USP34: variants seen among roughly 807,000 people sequenced by gnomAD.
USP34 encodes ubiquitin carboxyl-terminal hydrolase 34.
USP34 carries 70 observed loss-of-function variants against 460.3 expected under a neutral mutation model. The ratio of observed to expected loss-of-function variants is 0.15; its 90% CI spans 0.13 to 0.19. USP34 has a LOEUF of 0.19. USP34 is among the 10% of genes least tolerant of loss of function. The pLI is 1.00. For synonymous variants in USP34, 1,647 were observed against 1,405.3 expected, an observed-to-expected ratio of 1.17 and a Z score of -3.85; for missense variants, 3,985 against 4,236.2, an observed-to-expected ratio of 0.94 and a Z score of 1.65.
chr2:61,430,236 GAA>G (rs70963428), intron 1 of USP34, among the ~76,000 whole-genome samples: 11 of 138,112 alleles, frequency 8.0e-5, no homozygotes, highest in African/African-American at 1.1e-4. Flanking sequence ...AAAAAGAAAA[GAA>G]AAAAAAAATA....
chr2:61,470,744 C>T lies in USP34; in HGVS notation c.-52G>A. Reference sequence around the variant, plus strand: ...CCGCTTCGGATCACACTGACTGATCCCGACCGGCGGGGGGGAGGGGAGAGA... The same window carrying T: ...CCGCTTCGGATCACACTGACTGATCTCGACCGGCGGGGGGGAGGGGAGAGA... On this transcript the variant is annotated 5_prime_UTR_variant, in exon 1 of 80. Coordinates refer to ENST00000398571, the MANE Select transcript of USP34 (RefSeq NM_014709.4). 6.5e-7 allele frequency: 1 copy of T among 1,530,280 alleles called. No individual in the cohort carries two copies. Among genetic ancestry groups the T allele is most frequent in the Non-Finnish European group, 8.9e-7 (1 of 1,123,574 alleles). The allele number at this position is 1,530,280 out of a possible 1,614,324, so 94.8% of individuals were successfully genotyped here. A position where few individuals can be genotyped will look rare whatever the true frequency, so the allele number is the denominator to read the frequency against.
chr2:61,431,294 C>A (rs1421726701), intron 1 of USP34, among the ~76,000 whole-genome samples: 1 of 151,608 alleles, frequency 6.6e-6, no homozygotes, highest in Non-Finnish European at 1.5e-5. Context: ...ACAATCACAG[C>A]TTACTGCAGC....
intron 1 of USP34, among the ~76,000 whole-genome samples, chr2:61,429,485 G>C (rs1353778780): frequency 6.6e-6 from 1 of 152,074 alleles, no homozygotes; most frequent in Non-Finnish European, 1.5e-5. Flanking sequence ...AAATTAGCTG[G>C]GTGTGGTAGC....
At chr2:61,255,696 G>A (rs1688706100) in intron 48 of USP34, among the ~76,000 whole-genome samples, 1 of 152,200 alleles carries the variant, frequency 6.6e-6, no homozygotes, top group Non-Finnish European at 1.5e-5. Context: ...ATTCATAAGT[G>A]GTGTGGTGTT....
intron 41 of USP34, among the ~76,000 whole-genome samples, chr2:61,273,647 G>T (rs1029351854): frequency 6.6e-6 from 1 of 151,956 alleles, no homozygotes; most frequent in Non-Finnish European, 1.5e-5. Flanking sequence ...GAACCTGGAG[G>T]GCAGAGGTTA....
intron 59 of USP34, 72 bp downstream of exon 59, chr2:61,229,476 C>CAAAAAAAA: frequency 5.0e-6 from 2 of 401,846 alleles, no homozygotes; most frequent in Non-Finnish European, 7.4e-6. Context: ...AAAAAAAAAA[C>CAAAAAAAA]AAAAAAAAAA....
chr2:61,419,280 A>C (rs1048237731), intron 2 of USP34, among the ~76,000 whole-genome samples: 1 of 151,828 alleles, frequency 6.6e-6, no homozygotes, highest in Non-Finnish European at 1.5e-5. Flanking sequence ...TCAGCCTCTC[A>C]AAAGTGAGAG....
intron 41 of USP34, among the ~76,000 whole-genome samples, chr2:61,275,796 AC>A (rs1689356097): frequency 6.6e-6 from 1 of 152,160 alleles, no homozygotes; most frequent in Non-Finnish European, 1.5e-5. Flanking sequence ...AACTCGTTTA[AC>A]CTGTCTATGC....
intron 1 of USP34, among the ~76,000 whole-genome samples, chr2:61,441,368 C>T (rs1209701611): frequency 6.6e-6 from 1 of 152,018 alleles, no homozygotes; most frequent in Non-Finnish European, 1.5e-5. Context: ...GCCCCACCTC[C>T]CAGCCCCTGT....
chr2:61,223,222 T>C (rs770631769), intron 63 of USP34, 26 bp downstream of exon 63: 6 of 1,613,750 alleles, frequency 3.7e-6, no homozygotes, highest in African/African-American at 1.3e-5. Context: ...GATGATCAAA[T>C]TGTCTAATAT....
intron 50 of USP34, 107 bp from the exon 51 acceptor site, chr2:61,245,395 T>A (rs1688392753): frequency 1.8e-6 from 1 of 562,438 alleles, no homozygotes; most frequent in South Asian, 4.9e-5. Flanking sequence ...AATTATTTCA[T>A]GAGGTAAATT....
At chr2:61,265,342 C>A in intron 43 of USP34, 55 bp downstream of exon 43, 2 of 1,543,398 alleles carry the variant, frequency 1.3e-6, no homozygotes, top group Middle Eastern at 1.8e-4. Context: ...AATTTATCAA[C>A]AAAATATTAA....
chr2:61,365,944 C>CTGTTTATTTATT, intron 10 of USP34, among the ~76,000 whole-genome samples: 1 of 150,302 alleles, frequency 6.7e-6, no homozygotes, highest in East Asian at 2.0e-4. Context: ...CTGGGAACAC[C>CTGTTTATTTATT]TATTTATTTA....
chr2:61,339,385 T>C lies in USP34; in HGVS notation c.2710A>G (p.Ile904Val). ...FTDRQIRMRFIEGCLENLGNN... is the reference protein window; with the variant it reads ...FTDRQIRMRFVEGCLENLGNN... ...CCCAAGTTTTCAAGGCAACCTTCAA[T>C]GAATCTCATTCGAATTTGTCTATCT... The change falls in exon 18 of 80, where the codon ATT becomes GTT. Residue 904 changes from isoleucine to valine, a missense_variant. This residue lies in a region of USP34 where 46 missense variants were observed against 83.1 expected (regional missense o/e 0.55). Transcript: ENST00000398571. 3 of 1,609,440 alleles carry C rather than the reference T, an allele frequency of 1.9e-6. No individual in the cohort carries two copies. The highest frequency in any genetic ancestry group is 1.7e-6 in the Non-Finnish European group (2 of 1,178,338).
intron 33 of USP34, among the ~76,000 whole-genome samples, chr2:61,289,884 C>A (rs540703310): frequency 1.3e-5 from 2 of 152,062 alleles, no homozygotes; most frequent in Non-Finnish European, 2.9e-5. Flanking sequence ...TATTTGTAGA[C>A]TGGATACAAA....
At chr2:61,192,833 TC>T in intron 76 of USP34, 67 bp downstream of exon 76, 1 of 1,355,750 alleles carries the variant, frequency 7.4e-7, no homozygotes, top group Non-Finnish European at 1.0e-6. Flanking sequence ...AACCCACTGT[TC>T]CTAAAATTAT....
rs1428154365 is a variant in USP34 at position 61,265,122 on chromosome 2, C to A, written c.5778+275G>T. On this transcript the variant is annotated intron_variant, in intron 43 of 79. Transcript: ENST00000398571. ...TTCTCATATGTTCTCCCAGTGAATG[C>A]GTTTTTACTGACAACATGATATTCA... 1.2e-5 allele frequency: 3 copies of A among 258,844 alleles called. No homozygotes were observed. The East Asian group carries it at 2.3e-4, about 20-fold the overall frequency. The allele number at this position is 258,844 out of a possible 1,614,324, so 16.0% of individuals were successfully genotyped here.
chr2:61,278,636 T>C (rs1689443995), intron 39 of USP34, among the ~76,000 whole-genome samples, 193 bp from the exon 40 acceptor site: 1 of 152,248 alleles, frequency 6.6e-6, no homozygotes, highest in Admixed American at 6.5e-5. Flanking sequence ...ACATCACTGA[T>C]CATTCTACAA....
chr2:61,352,091 G>T (rs1036974982), intron 10 of USP34, among the ~76,000 whole-genome samples: 2 of 152,090 alleles, frequency 1.3e-5, no homozygotes, highest in Admixed American at 1.3e-4. Flanking sequence ...ACCAGTTGAA[G>T]ATCTCTAATT....
Sources: allele counts gnomAD v4.1 joint callset (sites outside exome capture counted in the v4.1 genomes callset), GRCh38; gene constraint gnomAD v4.1.1; regional missense constraint gnomAD v4.1.1; transcripts MANE v1.5; gene names NCBI Gene and HGNC (gene_info 2026-07-23, HGNC 2026-07-21).